The following SPATA16 variants were observed in gnomAD, a reference collection of about 807,000 sequenced individuals.
The protein encoded by SPATA16 is spermatogenesis associated 16.
SPATA16 carries 36 observed loss-of-function variants against 63.3 expected under a neutral mutation model. That is an observed-to-expected ratio of 0.57 (90% confidence interval 0.44 to 0.75). The LOEUF is 0.75. Ranked by LOEUF, SPATA16 falls within the 30% of genes least tolerant of loss-of-function variation. The pLI is 0.00. For synonymous variants in SPATA16, 203 were observed against 216.7 expected, an observed-to-expected ratio of 0.94 and a Z score of 0.56; for missense variants, 646 against 679.3, an observed-to-expected ratio of 0.95 and a Z score of 0.54.
At chr3:173,027,574 C>A (rs1735478804) in intron 3 of SPATA16, among the ~76,000 whole-genome samples, 1 of 151,560 alleles carries the variant, frequency 6.6e-6, no homozygotes, top group Non-Finnish European at 1.5e-5. Context: ...TGTCCCATTC[C>A]TCTCTCTCCT....
chr3:172,956,468 T>C (rs1448418273), intron 6 of SPATA16, among the ~76,000 whole-genome samples: 1 of 152,160 alleles, frequency 6.6e-6, no homozygotes, highest in Admixed American at 6.5e-5. Flanking sequence ...TCTTAAAATA[T>C]AGAAATATGA....
chr3:172,985,686 A>G (rs984449001), intron 4 of SPATA16, among the ~76,000 whole-genome samples: 1 of 152,188 alleles, frequency 6.6e-6, no homozygotes, highest in African/African-American at 2.4e-5. Flanking sequence ...TTATTTTTAA[A>G]TAGTAATGAA....
intron 6 of SPATA16, among the ~76,000 whole-genome samples, chr3:172,928,074 T>C (rs761165781): frequency 1.3e-5 from 2 of 152,048 alleles, no homozygotes; most frequent in Non-Finnish European, 2.9e-5. Context: ...CACACCCAGC[T>C]AATTTTGTAT....
Position 173,040,630 on chromosome 3 carries a change from A to G in SPATA16, c.758+8319T>C, listed in dbSNP as rs551449440. 3.3e-5 allele frequency among the ~76,000 whole-genome samples: 5 copies of G among 152,318 alleles called. No individual in the cohort carries two copies. In the South Asian group the frequency reaches 1.0e-3, roughly 32 times the overall value. Reference sequence around the variant, plus strand: ...CAATGCTACCATAACCTGCAAGAGAAGTCCTCCAGATTTTAAAGATGGTAT... The same window carrying G: ...CAATGCTACCATAACCTGCAAGAGAGGTCCTCCAGATTTTAAAGATGGTAT... On this transcript the variant is annotated intron_variant, in intron 3 of 10. Transcript: ENST00000351008.
chr3:173,086,710 G>A (rs1360111410), intron 2 of SPATA16, among the ~76,000 whole-genome samples: 2 of 152,122 alleles, frequency 1.3e-5, no homozygotes, highest in Non-Finnish European at 2.9e-5. Context: ...TGCTTTAGCT[G>A]TGTCCCAGAG....
At chr3:173,114,303 A>G (rs567165891) in intron 2 of SPATA16, among the ~76,000 whole-genome samples, 4 of 152,154 alleles carry the variant, frequency 2.6e-5, no homozygotes, top group Non-Finnish European at 5.9e-5. Flanking sequence ...GAACTTCAGA[A>G]TGTTAGAGCC....
intron 1 of SPATA16, among the ~76,000 whole-genome samples, chr3:173,137,901 G>C (rs1479189177): frequency 6.8e-6 from 1 of 147,950 alleles, no homozygotes; most frequent in African/African-American, 2.5e-5. Context: ...CTAAAGAAGA[G>C]ACCAGATGTA....
intron 6 of SPATA16, among the ~76,000 whole-genome samples, chr3:172,932,779 A>G (rs1732900429): frequency 6.6e-6 from 1 of 152,174 alleles, no homozygotes. Context: ...CTATATAGAT[A>G]ATAAATTGTA....
At chr3:173,076,033 G>A (rs1286953142) in intron 2 of SPATA16, among the ~76,000 whole-genome samples, 1 of 151,998 alleles carries the variant, frequency 6.6e-6, no homozygotes, top group African/African-American at 2.4e-5. Flanking sequence ...CATGTACCTT[G>A]TAAATATGTG....
intron 10 of SPATA16, among the ~76,000 whole-genome samples, chr3:172,899,980 AGAG>A (rs1374416030): frequency 6.6e-6 from 1 of 152,304 alleles, no homozygotes; most frequent in Admixed American, 6.5e-5. Flanking sequence ...AACATGATGA[AGAG>A]GAGAAGAAAA....
chr3:173,056,345 A>T (rs1228918467), intron 2 of SPATA16, among the ~76,000 whole-genome samples: 1 of 152,128 alleles, frequency 6.6e-6, no homozygotes, highest in Non-Finnish European at 1.5e-5. Context: ...AATTTTTTTC[A>T]AAAAGAGCAA....
intron 1 of SPATA16, among the ~76,000 whole-genome samples, chr3:173,122,444 A>G (rs1056799592): frequency 6.6e-6 from 1 of 152,180 alleles, no homozygotes; most frequent in African/African-American, 2.4e-5. Flanking sequence ...CAATTCAGCA[A>G]AAGAGAATCC....
At chr3:172,966,122 A>G (rs1315121670) in intron 5 of SPATA16, among the ~76,000 whole-genome samples, 1 of 152,182 alleles carries the variant, frequency 6.6e-6, no homozygotes, top group East Asian at 1.9e-4. Context: ...ATCCACATAC[A>G]TTATATACCT....
intron 2 of SPATA16, among the ~76,000 whole-genome samples, chr3:173,072,767 C>T (rs983082799): frequency 6.6e-5 from 10 of 152,112 alleles, no homozygotes; most frequent in Admixed American, 1.3e-4. Context: ...TGGCACTGGG[C>T]ATGGGGAACT....
intron 2 of SPATA16, among the ~76,000 whole-genome samples, chr3:173,091,607 A>G (rs12638593): frequency 6.6e-6 from 1 of 152,162 alleles, no homozygotes; most frequent in Non-Finnish European, 1.5e-5. Flanking sequence ...CAATGATAAG[A>G]CAGTAATAAG....
Position 173,117,531 on chromosome 3 carries a change from C to G in SPATA16, c.201G>C (p.Lys67Asn). 4 of 1,613,976 alleles carry G rather than the reference C, an allele frequency of 2.5e-6. No homozygotes were observed. The highest frequency in any genetic ancestry group is 3.4e-6 in the Non-Finnish European group (4 of 1,179,974). The change falls in exon 2 of 11, where the codon AAG (lysine) becomes AAC (asparagine). Residue 67 changes from lysine to asparagine, a missense_variant. Physicochemically the swap from Lys to Asn is moderately conservative, Grantham distance 94 (BLOSUM62 0). Coordinates refer to ENST00000351008, the MANE Select transcript of SPATA16 (RefSeq NM_031955.6). ...CATTGCTTTGTTTTTCTTTGATGCCCTTTGTCATTTTTGTTCTTTCAAGTG... is the reference window on the plus strand; with the variant it reads ...CATTGCTTTGTTTTTCTTTGATGCCGTTTGTCATTTTTGTTCTTTCAAGTG... Reference protein sequence around the residue: ...EITLERTKMTKGIKEKQSNDL... With the variant: ...EITLERTKMTNGIKEKQSNDL...
intron 4 of SPATA16, among the ~76,000 whole-genome samples, chr3:172,998,303 A>G (rs1734736553): frequency 6.6e-6 from 1 of 152,154 alleles, no homozygotes; most frequent in African/African-American, 2.4e-5. Flanking sequence ...ACTAATGTAC[A>G]TGATAACATT....
chr3:173,026,290 T>C (rs1326367394), intron 3 of SPATA16, among the ~76,000 whole-genome samples: 7 of 151,968 alleles, frequency 4.6e-5, no homozygotes, highest in Non-Finnish European at 5.9e-5. Context: ...GCATTTTTTT[T>C]CCTTATTAGT....
At chr3:172,891,689 G>A (rs1279981087) in intron 10 of SPATA16, among the ~76,000 whole-genome samples, 2 of 152,102 alleles carry the variant, frequency 1.3e-5, no homozygotes, top group Admixed American at 6.5e-5. Context: ...ATCTGCTTTA[G>A]CCATGTGGGA....
Sources: allele counts gnomAD v4.1 joint callset (sites outside exome capture counted in the v4.1 genomes callset), GRCh38; gene constraint gnomAD v4.1.1; transcripts MANE v1.5; gene names NCBI Gene and HGNC (gene_info 2026-07-23, HGNC 2026-07-21).